The following ADAMTSL3 variants were observed in gnomAD, a reference collection of about 807,000 sequenced individuals.
ADAMTSL3 encodes the protein ADAMTS-like protein 3.
A neutral mutation model predicts 201.7 loss-of-function variants in ADAMTSL3; 128 were observed. The ratio of observed to expected loss-of-function variants is 0.63; its 90% CI spans 0.55 to 0.73. The LOEUF is 0.73. Ranked by LOEUF, ADAMTSL3 falls within the 30% of genes least tolerant of loss-of-function variation. The pLI, the probability that ADAMTSL3 is intolerant of heterozygous loss-of-function variation, is 0.00. For synonymous variants in ADAMTSL3, 738 were observed against 748.4 expected (o/e 0.99, Z 0.23); for missense variants, 1,990 against 2,119.6 (o/e 0.94, Z 1.20).
chr15:83,883,752 G>T (rs72746991), intron 9 of ADAMTSL3, among the ~76,000 whole-genome samples: 3,088 of 151,484 alleles, frequency 0.02, 38 homozygotes, highest in Non-Finnish European at 0.034. Flanking sequence ...CTTTTGGAGA[G>T]ATAGGATCTT....
intron 3 of ADAMTSL3, among the ~76,000 whole-genome samples, chr15:83,718,397 A>T (rs2062048771): frequency 6.6e-6 from 1 of 152,178 alleles, no homozygotes; most frequent in African/African-American, 2.4e-5. Context: ...CAACACTTTT[A>T]TAAGCAGAAA....
At chr15:83,701,770 T>A (rs1353609372) in intron 2 of ADAMTSL3, among the ~76,000 whole-genome samples, 1 of 152,202 alleles carries the variant, frequency 6.6e-6, no homozygotes, top group East Asian at 1.9e-4. Context: ...TAAACCTCTT[T>A]TTCTTCCCAG....
At chr15:83,905,268 T>C (rs1285471484) in intron 15 of ADAMTSL3, among the ~76,000 whole-genome samples, 1 of 152,214 alleles carries the variant, frequency 6.6e-6, no homozygotes, top group Non-Finnish European at 1.5e-5. Context: ...AAGGTTGCAA[T>C]GCATTATAAT....
chr15:83,953,011 G>A (rs1167937487), intron 19 of ADAMTSL3, among the ~76,000 whole-genome samples: 2 of 152,130 alleles, frequency 1.3e-5, no homozygotes, highest in Admixed American at 6.5e-5. Context: ...CAGTCTATGT[G>A]TATCTTTACA....
chr15:83,734,879 G>T (rs559515886), intron 3 of ADAMTSL3, among the ~76,000 whole-genome samples: 33 of 152,132 alleles, frequency 2.2e-4, no homozygotes, highest in African/African-American at 7.7e-4. Flanking sequence ...GAGGGCTGGG[G>T]TTCTCATGTT....
chr15:84,015,161 G>T (rs2068069301), intron 24 of ADAMTSL3, among the ~76,000 whole-genome samples: 1 of 152,146 alleles, frequency 6.6e-6, no homozygotes, highest in Non-Finnish European at 1.5e-5. Flanking sequence ...GGCCAGGATG[G>T]TCTCAATCTC....
chr15:83,715,452 T>C (rs970702917), intron 3 of ADAMTSL3, among the ~76,000 whole-genome samples: 3 of 152,204 alleles, frequency 2.0e-5, no homozygotes, highest in Non-Finnish European at 4.4e-5. Flanking sequence ...TTGAACTGAT[T>C]GGGTACTTTC....
At chr15:83,783,837 C>CTGTGTGTGTGTGTGTG (rs59071955) in intron 4 of ADAMTSL3, among the ~76,000 whole-genome samples, 18 of 148,758 alleles carry the variant, frequency 1.2e-4, no homozygotes, top group Middle Eastern at 3.4e-3. Context: ...CATATATACT[C>CTGTGTGTGTGTGTGTG]TGTGTGTGTG....
intron 7 of ADAMTSL3, among the ~76,000 whole-genome samples, chr15:83,845,310 A>G (rs139814560): frequency 1.4e-3 from 216 of 152,334 alleles, no homozygotes; most frequent in Non-Finnish European, 2.4e-3. Flanking sequence ...GATGTCCACC[A>G]TTTTATTCCT....
At chr15:83,793,173 G>T (rs1168870395) in intron 4 of ADAMTSL3, among the ~76,000 whole-genome samples, 1 of 152,154 alleles carries the variant, frequency 6.6e-6, no homozygotes, top group Non-Finnish European at 1.5e-5. Flanking sequence ...CAGTTGCTAG[G>T]GGTTAAGATG....
Position 83,884,570 on chromosome 15 carries a change from T to C in ADAMTSL3, c.961-531T>C, listed in dbSNP as rs560047258. On this transcript the variant is annotated intron_variant, in intron 9 of 29. Transcript: ENST00000286744. ...GATTACAGGTGTGAGCCACCGTGCC[T>C]GGCCCCCATTTCCTTTTAATTAGAT... Among the ~76,000 whole-genome samples the C allele has an allele frequency of 2.0e-5, 3 of 152,242 alleles. No homozygotes were observed. The East Asian group carries it at 5.8e-4, about 29-fold the overall frequency.
At chr15:83,921,920 TA>T (rs72195885) in intron 16 of ADAMTSL3, among the ~76,000 whole-genome samples, 2 of 150,068 alleles carry the variant, frequency 1.3e-5, no homozygotes, top group East Asian at 2.0e-4. Flanking sequence ...TTTCTTTTTC[TA>T]AAAAAAAAGG....
intron 2 of ADAMTSL3, among the ~76,000 whole-genome samples, chr15:83,695,249 T>TG (rs2061670956): frequency 2.0e-4 from 9 of 45,436 alleles, no homozygotes; most frequent in Non-Finnish European, 3.0e-4. Flanking sequence ...TGTGTGTGTG[T>TG]GTGTGTGTGT....
At chr15:83,974,775 T>A (rs1186641186) in intron 20 of ADAMTSL3, among the ~76,000 whole-genome samples, 2 of 152,200 alleles carry the variant, frequency 1.3e-5, no homozygotes, top group Non-Finnish European at 2.9e-5. Flanking sequence ...TTAGATTTTT[T>A]AAATTATGAC....
intron 2 of ADAMTSL3, among the ~76,000 whole-genome samples, chr15:83,693,870 A>G (rs967909134): frequency 6.6e-6 from 1 of 152,226 alleles, no homozygotes; most frequent in African/African-American, 2.4e-5. Context: ...GAGTGATTGA[A>G]TGGGTCCTGT....
chr15:83,962,469 G>A (rs539242770), intron 19 of ADAMTSL3: 6 of 151,944 alleles, frequency 3.9e-5, no homozygotes, highest in Admixed American at 2.6e-4. Context: ...TGTTCTTTCG[G>A]GAATTAATCA....
At chr15:83,877,008 G>A (rs1234498920) in intron 9 of ADAMTSL3, among the ~76,000 whole-genome samples, 1 of 152,182 alleles carries the variant, frequency 6.6e-6, no homozygotes, top group Non-Finnish European at 1.5e-5. Context: ...TGGCCAGGCT[G>A]GTCTTGAACT....
intron 22 of ADAMTSL3, among the ~76,000 whole-genome samples, chr15:83,989,707 G>T (rs906937244): frequency 6.6e-6 from 1 of 152,182 alleles, no homozygotes; most frequent in African/African-American, 2.4e-5. Flanking sequence ...CAGGCACAAA[G>T]TATGCTTCCT....
Position 83,714,912 on chromosome 15 carries a change from T to C in ADAMTSL3, c.189+10404T>C, listed in dbSNP as rs1397771117. On this transcript the variant is annotated intron_variant, in intron 3 of 29. Transcript: ENST00000286744. ...TTCCTTCCTTCCTTCCTTCCTTCCT[T>C]CCTTCCTTCCTTCCTTCCTTCCTTC... 3.1e-3 allele frequency among the ~76,000 whole-genome samples: 338 copies of C among 108,996 alleles called. 2 individuals carry two copies. Among genetic ancestry groups the C allele is most frequent in the Non-Finnish European group, 5.1e-3 (260 of 51,096 alleles). 71.5% of individuals were successfully genotyped at this position (108,996 alleles called of 152,430 possible). A position where few individuals can be genotyped will look rare whatever the true frequency, so the allele number is the denominator to read the frequency against.
Sources: allele counts gnomAD v4.1 joint callset (sites outside exome capture counted in the v4.1 genomes callset), GRCh38; gene constraint gnomAD v4.1.1; transcripts MANE v1.5; gene names NCBI Gene and HGNC (gene_info 2026-07-23, HGNC 2026-07-21).